The following IGF1 variants were observed in gnomAD, a reference collection of about 807,000 sequenced individuals.
IGF1 encodes insulin like growth factor 1.
In IGF1, 4 loss-of-function variants were observed where a neutral mutation model predicts 13.8. The ratio of observed to expected loss-of-function variants is 0.29; its 90% CI spans 0.14 to 0.66. The LOEUF is 0.66. Ranked by LOEUF, IGF1 falls within the 30% of genes least tolerant of loss-of-function variation. The pLI, the probability that IGF1 is intolerant of heterozygous loss-of-function variation, is 0.78. For missense variants in IGF1, 124 were observed against 188.5 expected (o/e 0.66, Z 2.00); for synonymous variants, 76 against 72.6 (o/e 1.05, Z -0.23).
intron 2 of IGF1, among the ~76,000 whole-genome samples, chr12:102,427,142 G>T (rs1876275698): frequency 6.6e-6 from 1 of 152,116 alleles, no homozygotes; most frequent in Non-Finnish European, 1.5e-5. Flanking sequence ...GATGAAAACT[G>T]CCAGAGAAAG....
At chr12:102,469,501 C>T (rs1233951532) in intron 2 of IGF1, among the ~76,000 whole-genome samples, 1 of 152,138 alleles carries the variant, frequency 6.6e-6, no homozygotes, top group Non-Finnish European at 1.5e-5. Context: ...TAATTAGCCT[C>T]TTCTAAAAGA....
At chr12:102,473,942 C>T (rs961405774) in intron 2 of IGF1, among the ~76,000 whole-genome samples, 1 of 152,114 alleles carries the variant, frequency 6.6e-6, no homozygotes, top group Non-Finnish European at 1.5e-5. Context: ...GGAGCAATGT[C>T]GTGTTGAACA....
At chr12:102,406,956 T>C (rs956407462) in intron 3 of IGF1, among the ~76,000 whole-genome samples, 1 of 151,682 alleles carries the variant, frequency 6.6e-6, no homozygotes, top group East Asian at 1.9e-4. Context: ...TAGCCTGGTG[T>C]GGTGGCGTGT....
intron 2 of IGF1, among the ~76,000 whole-genome samples, chr12:102,430,441 G>GT (rs1876637154): frequency 6.6e-6 from 1 of 152,168 alleles, no homozygotes; most frequent in South Asian, 2.1e-4. Context: ...GCTGACGAAT[G>GT]AAATGACCCT....
At chr12:102,464,446 T>G (rs1466330738) in intron 2 of IGF1, among the ~76,000 whole-genome samples, 1 of 148,442 alleles carries the variant, frequency 6.7e-6, no homozygotes, top group Non-Finnish European at 1.5e-5. Context: ...CAAGAAATTT[T>G]ATTAAGTGCT....
intron 2 of IGF1, among the ~76,000 whole-genome samples, chr12:102,448,927 GA>G (rs1878640665): frequency 6.6e-6 from 1 of 152,166 alleles, no homozygotes; most frequent in African/African-American, 2.4e-5. Flanking sequence ...TGGAGAAATA[GA>G]AATGCTTTTT....
At chr12:102,479,054 C>T (rs1371705977) in intron 1 of IGF1, among the ~76,000 whole-genome samples, 2 of 152,208 alleles carry the variant, frequency 1.3e-5, no homozygotes, top group Non-Finnish European at 2.9e-5. Context: ...ATTTTCTTAA[C>T]TTGTAATTAA....
upstream of IGF1, among the ~76,000 whole-genome samples, chr12:102,481,381 GT>G (rs1881386012): frequency 8.6e-5 from 13 of 150,728 alleles, 1 homozygote; most frequent in Admixed American, 1.3e-4. Flanking sequence ...GTGTGTGTGT[GT>G]GTGTGTATGA....
At chr12:102,476,944 T>G (rs1881085445) in intron 1 of IGF1, among the ~76,000 whole-genome samples, 1 of 152,250 alleles carries the variant, frequency 6.6e-6, no homozygotes, top group South Asian at 2.1e-4. Flanking sequence ...CCTCTCAAGG[T>G]GAGTGGCTTC....
chr12:102,418,070 T>TC (rs1159807397), intron 3 of IGF1: 1 of 1,533,636 alleles, frequency 6.5e-7, no homozygotes, highest in Non-Finnish European at 8.9e-7. Flanking sequence ...TTGAATGAGC[T>TC]CAGAATGCCC....
At chr12:102,463,060 C>T (rs756505959) in intron 2 of IGF1, 4 of 152,158 alleles carry the variant, frequency 2.6e-5, no homozygotes, top group Non-Finnish European at 5.9e-5. Context: ...AAAGTCGCAG[C>T]TGAAATTTGT....
intron 2 of IGF1, among the ~76,000 whole-genome samples, chr12:102,459,254 T>C (rs1879703718): frequency 6.6e-6 from 1 of 152,140 alleles, no homozygotes; most frequent in Non-Finnish European, 1.5e-5. Context: ...TACTGTCAAA[T>C]TGGGGAGTTT....
intron 3 of IGF1, among the ~76,000 whole-genome samples, chr12:102,416,364 G>A (rs1875140755): frequency 1.3e-5 from 2 of 152,200 alleles, no homozygotes; most frequent in Non-Finnish European, 2.9e-5. Context: ...ATCTGAAGGA[G>A]AAGATCTCTA....
At chr12:102,406,276 C>T (rs763493423) in intron 3 of IGF1, among the ~76,000 whole-genome samples, 4 of 152,208 alleles carry the variant, frequency 2.6e-5, no homozygotes, top group East Asian at 3.8e-4. Flanking sequence ...CTTAATTACG[C>T]CAGCCACCCT....
chr12:102,408,299 C>T (rs1277454175), intron 3 of IGF1, among the ~76,000 whole-genome samples: 2 of 152,080 alleles, frequency 1.3e-5, no homozygotes, highest in Admixed American at 1.3e-4. Flanking sequence ...ATTTAGATGT[C>T]TCAGTATCAA....
chr12:102,433,943 T>C (rs1314687280), intron 2 of IGF1, among the ~76,000 whole-genome samples: 31 of 152,136 alleles, frequency 2.0e-4, no homozygotes, highest in Admixed American at 2.0e-3. Context: ...CAGAATGTCA[T>C]CTCACCCCAC....
intron 3 of IGF1, among the ~76,000 whole-genome samples, chr12:102,404,956 A>G (rs947355498): frequency 6.6e-6 from 1 of 151,784 alleles, no homozygotes; most frequent in African/African-American, 2.4e-5. Flanking sequence ...ATGGGGTTTC[A>G]CCATATTGGC....
chr12:102,416,922 G>T (rs189066501), intron 3 of IGF1, among the ~76,000 whole-genome samples: 1 of 152,180 alleles, frequency 6.6e-6, no homozygotes, highest in Non-Finnish European at 1.5e-5. Context: ...AATCCAACCT[G>T]GCTGGTGTTG....
At chr12:102,458,959 C>G (rs937144743) in intron 2 of IGF1, among the ~76,000 whole-genome samples, 1 of 152,038 alleles carries the variant, frequency 6.6e-6, no homozygotes, top group African/African-American at 2.4e-5. Flanking sequence ...TCAATCAAGT[C>G]AATGTCTCAA....
Sources: allele counts gnomAD v4.1 joint callset (sites outside exome capture counted in the v4.1 genomes callset), GRCh38; gene constraint gnomAD v4.1.1; transcripts MANE v1.5; gene names NCBI Gene and HGNC (gene_info 2026-07-23, HGNC 2026-07-21).